Variants in RFX3 observed in about 807,000 individuals in gnomAD.
RFX3 encodes regulatory factor X3, also known as transcription factor RFX3.
RFX3 carries 14 observed loss-of-function variants against 98.6 expected under a neutral mutation model. The ratio of observed to expected loss-of-function variants is 0.14; its 90% CI spans 0.09 to 0.22. RFX3 has a LOEUF of 0.22. Among genes scored for constraint, RFX3 ranks in the 10% least tolerant of loss-of-function variants. The pLI is 1.00. For missense variants in RFX3, 639 were observed against 926.9 expected (o/e 0.69, Z 4.03); for synonymous variants, 383 against 328.4 (o/e 1.17, Z -1.80).
rs181087407 is a variant in RFX3, at chr9:3,251,178, A to G, written c.1815-2993T>C. Among the ~76,000 whole-genome samples, 10 of 152,320 alleles carry G rather than the reference A, an allele frequency of 6.6e-5. No homozygotes were observed. In the East Asian group the frequency reaches 1.9e-3, roughly 29 times the overall value. On this transcript the variant is annotated intron_variant, in intron 14 of 16. Transcript: ENST00000617270. The stretch of plus-strand genomic sequence containing the variant: ...TTCTGAAGATATTTAATGGCAAGAA[A>G]TGCTTAAGATATAATTGCAAATAAA...
intron 10 of RFX3, 70 bp from the exon 11 acceptor site, chr9:3,270,595 TAGTTTAAGTTTACCAAATATTAC>T (rs1824293117): frequency 2.7e-6 from 4 of 1,469,968 alleles, no homozygotes; most frequent in Non-Finnish European, 2.8e-6. Context: ...ACTTTAAAAA[TAGTTTAAGTTTACCAAATATTAC>T]TGAGGTTAGA....
At chr9:3,358,796 A>T (rs938537629) in intron 2 of RFX3, among the ~76,000 whole-genome samples, 3 of 152,154 alleles carry the variant, frequency 2.0e-5, no homozygotes, top group African/African-American at 4.8e-5. Flanking sequence ...ACTTCCAATC[A>T]TGGCAGAAGG....
intron 1 of RFX3, among the ~76,000 whole-genome samples, chr9:3,399,405 T>C (rs201540074): frequency 1.3e-5 from 2 of 151,596 alleles, no homozygotes; most frequent in Non-Finnish European, 2.9e-5. Context: ...GATCTCATCA[T>C]TGCACTCCAG....
chr9:3,475,747 T>C (rs1252989191), intron 1 of RFX3, among the ~76,000 whole-genome samples: 2 of 152,162 alleles, frequency 1.3e-5, no homozygotes, highest in Non-Finnish European at 2.9e-5. Flanking sequence ...AAGCACAGCA[T>C]CACAGGGAGA....
At chr9:3,492,258 C>A (rs1037853287) in intron 1 of RFX3, among the ~76,000 whole-genome samples, 4 of 152,206 alleles carry the variant, frequency 2.6e-5, no homozygotes, top group African/African-American at 9.7e-5. Flanking sequence ...GATCTTTCAT[C>A]TTTTTTCACT....
intron 1 of RFX3, among the ~76,000 whole-genome samples, chr9:3,481,420 A>G (rs1384793113): frequency 6.6e-6 from 1 of 152,090 alleles, no homozygotes; most frequent in Non-Finnish European, 1.5e-5. Flanking sequence ...AAACACATCT[A>G]ACTAACATGA....
chr9:3,375,095 AT>A (rs1201429613), intron 2 of RFX3, among the ~76,000 whole-genome samples: 4 of 152,224 alleles, frequency 2.6e-5, no homozygotes, highest in Non-Finnish European at 2.9e-5. Context: ...AGTGACTAAT[AT>A]TTACTCAAGC....
At chr9:3,386,521 C>A (rs904400496) in intron 2 of RFX3, among the ~76,000 whole-genome samples, 2 of 151,938 alleles carry the variant, frequency 1.3e-5, no homozygotes, top group South Asian at 4.2e-4. Context: ...AGGACTAGAG[C>A]CAGGATTTGA....
intron 1 of RFX3, among the ~76,000 whole-genome samples, chr9:3,483,088 T>A (rs1849933902): frequency 6.6e-6 from 1 of 152,174 alleles, no homozygotes; most frequent in Non-Finnish European, 1.5e-5. Context: ...CAAAAATAAA[T>A]ACTTAAAATC....
intron 12 of RFX3, among the ~76,000 whole-genome samples, chr9:3,263,616 T>A (rs1349883701): frequency 1.3e-5 from 2 of 152,340 alleles, no homozygotes; most frequent in East Asian, 3.9e-4. Context: ...ACGAGTAATT[T>A]TGAGGCGAGA....
At chr9:3,335,223 G>C (rs1298571564) in intron 3 of RFX3, among the ~76,000 whole-genome samples, 1 of 152,050 alleles carries the variant, frequency 6.6e-6, no homozygotes, top group African/African-American at 2.4e-5. Context: ...TGGAGCCAAA[G>C]CCAGAGTCAT....
intron 2 of RFX3, among the ~76,000 whole-genome samples, chr9:3,393,083 G>A (rs929245261): frequency 1.3e-5 from 2 of 151,990 alleles, no homozygotes; most frequent in African/African-American, 4.8e-5. Flanking sequence ...GGGTGTGTGT[G>A]TGTTGTGTTA....
chr9:3,395,671 A>C, intron 1 of RFX3, 75 bp from the exon 2 acceptor site: 3 of 1,511,538 alleles, frequency 2.0e-6, no homozygotes, highest in Non-Finnish European at 2.7e-6. Flanking sequence ...ATTGTTCTTA[A>C]AATCCTATAC....
In RFX3 at chr9:3,301,707, T is replaced by G. The variant is rs2991299; in HGVS notation, c.475-87A>C. On this transcript the variant is annotated intron_variant, in intron 4 of 16. Transcript: ENST00000617270. ...AGAATTTCTGATAGATTCTTTAAAG[T>G]CCAACTTCTTCCTCAACGGTCGTTA... 3,832 of 895,080 alleles carry G rather than the reference T, an allele frequency of 4.3e-3. 97 individuals are homozygous for G. In the African/African-American group the frequency reaches 0.055, roughly 13 times the overall value. The allele number at this position is 895,080 out of a possible 1,614,324, so 55.4% of individuals were successfully genotyped here.
chr9:3,339,295 G>C lies in RFX3; in HGVS notation c.215+7372C>G, dbSNP rs760708720. 3.5e-4 allele frequency among the ~76,000 whole-genome samples: 53 copies of C among 152,230 alleles called. 2 individuals carry two copies. The highest frequency in any genetic ancestry group is 6.8e-3 in the Middle Eastern group (2 of 294). Reference sequence around the variant, plus strand: ...TGAGTCACTTGCCCTGACAACAGAGGTCAGGGAAATAAATATGGACTGAAA... The same window carrying C: ...TGAGTCACTTGCCCTGACAACAGAGCTCAGGGAAATAAATATGGACTGAAA... On this transcript the variant is annotated intron_variant, in intron 3 of 16. Coordinates refer to ENST00000617270, the MANE Select transcript of RFX3 (RefSeq NM_001282116.2).
chr9:3,325,664 A>C (rs1831827761), intron 4 of RFX3, among the ~76,000 whole-genome samples: 1 of 152,124 alleles, frequency 6.6e-6, no homozygotes, highest in African/African-American at 2.4e-5. Flanking sequence ...AGAGTGAGTA[A>C]ATAAGGCTTT....
rs758351576 is a variant in RFX3, at chr9:3,225,035, A to G, written c.*7T>C. ...ATGTAAGCTGGAAAAATACGCTTTA[A>G]TATTCTTTAGACTGCAGTGTAGGTA... On this transcript the variant is annotated 3_prime_UTR_variant, in exon 17 of 17. Transcript: ENST00000617270. The G allele has an allele frequency of 5.0e-6, 8 of 1,612,662 alleles. No individual in the cohort carries two copies. In the East Asian group the frequency reaches 1.6e-4, roughly 31 times the overall value.
intron 1 of RFX3, among the ~76,000 whole-genome samples, chr9:3,426,325 CTT>C (rs917631096): frequency 1.3e-4 from 19 of 142,736 alleles, no homozygotes; most frequent in Non-Finnish European, 1.5e-4. Context: ...AAATACCTAT[CTT>C]TTTTTTTTTT....
chr9:3,430,005 A>C (rs1390762696), intron 1 of RFX3, among the ~76,000 whole-genome samples: 1 of 152,178 alleles, frequency 6.6e-6, no homozygotes, highest in Non-Finnish European at 1.5e-5. Context: ...AGGTTCACTG[A>C]GGTTCCCAAG....
Sources: gnomAD v4.1 joint callset for allele counts (sites outside exome capture counted in the v4.1 genomes callset) on GRCh38, gnomAD v4.1.1 for gene constraint, MANE v1.5 for transcripts, NCBI Gene and HGNC (gene_info 2026-07-23, HGNC 2026-07-21) for gene names.